Variants in RBL1 observed in about 807,000 individuals in gnomAD.
RBL1 encodes the protein RB transcriptional corepressor like 1.
A neutral mutation model predicts 123.0 loss-of-function variants in RBL1; 82 were observed. The observed-to-expected ratio is 0.67, with a 90% CI of 0.56 to 0.80. The LOEUF is 0.80. Ranked by LOEUF, RBL1 falls within the 30% of genes least tolerant of loss-of-function variation. RBL1 has a pLI of 0.00. For synonymous variants in RBL1, 405 were observed against 441.3 expected (o/e 0.92, Z 1.03); for missense variants, 1,171 against 1,299.6 (o/e 0.90, Z 1.52).
chr20:37,069,957 G>A (rs1217191787), intron 2 of RBL1, among the ~76,000 whole-genome samples: 2 of 152,194 alleles, frequency 1.3e-5, no homozygotes, highest in Admixed American at 1.3e-4. Flanking sequence ...CCACCACCCC[G>A]TCTGGGAGGT....
At chr20:37,068,646 A>G (rs2065223439) in intron 2 of RBL1, among the ~76,000 whole-genome samples, 1 of 152,116 alleles carries the variant, frequency 6.6e-6, no homozygotes, top group Non-Finnish European at 1.5e-5. Flanking sequence ...GAGCGAGAGC[A>G]CCTATCTACT....
chr20:37,067,820 T>C (rs1029282542), intron 3 of RBL1, among the ~76,000 whole-genome samples, 166 bp downstream of exon 3: 2 of 145,504 alleles, frequency 1.4e-5, no homozygotes, highest in African/African-American at 5.0e-5. Flanking sequence ...TAAGTAAAAG[T>C]ATTATCCTGA....
intron 21 of RBL1, among the ~76,000 whole-genome samples, chr20:37,000,249 C>T (rs1279627806): frequency 1.9e-3 from 278 of 146,206 alleles, no homozygotes; most frequent in Non-Finnish European, 2.8e-3. Context: ...GGAGCCCCTC[C>T]GCCCGGCAGC....
chr20:37,021,453 T>C, intron 17 of RBL1, among the ~76,000 whole-genome samples: 1 of 151,980 alleles, frequency 6.6e-6, no homozygotes, highest in East Asian at 1.9e-4. Context: ...TAATTCTTTT[T>C]TTTTTTTTTG....
intron 1 of RBL1, 116 bp from the exon 2 acceptor site, chr20:37,089,238 G>T: frequency 9.8e-7 from 1 of 1,020,942 alleles, no homozygotes. Flanking sequence ...TAGATAAAGG[G>T]CCAGAGAAGT....
chr20:37,003,158 C>T (rs1395796232), intron 21 of RBL1, among the ~76,000 whole-genome samples: 2 of 152,174 alleles, frequency 1.3e-5, no homozygotes, highest in Non-Finnish European at 2.9e-5. Flanking sequence ...CAATTTCTTC[C>T]AGTTTATACT....
At chr20:37,072,515 CTG>C (rs949432824) in intron 2 of RBL1, among the ~76,000 whole-genome samples, 3 of 152,108 alleles carry the variant, frequency 2.0e-5, no homozygotes, top group East Asian at 1.9e-4. Context: ...AAAAAAAAGA[CTG>C]TTTTTATTTT....
Position 37,068,040 on chromosome 20 carries a change from A to T in RBL1, c.437T>A (p.Ile146Lys). 1 of 1,613,788 alleles carries T rather than the reference A, an allele frequency of 6.2e-7. No individual in the cohort carries two copies. The highest frequency in any genetic ancestry group is 2.2e-5 in the East Asian group (1 of 44,840). Residue 146 changes from isoleucine to lysine, a missense_variant, in exon 3 of 22, where the codon ATA (isoleucine) becomes AAA (lysine). Physicochemically the swap from Ile to Lys is moderately radical, Grantham distance 102. Transcript: ENST00000373664. ...FKKYEPIFLDIFQNPYEEPPK... is the reference protein window; with the variant it reads ...FKKYEPIFLDKFQNPYEEPPK... ...TGGTTCTTCATATGGATTTTGAAAT[A>T]TATCTAAAAAAATTGGCTCATATTT...
At chr20:37,045,151 G>A (rs1217189385) in intron 12 of RBL1, among the ~76,000 whole-genome samples, 1 of 151,366 alleles carries the variant, frequency 6.6e-6, no homozygotes, top group Non-Finnish European at 1.5e-5. Flanking sequence ...CTGTCACCCA[G>A]GCTGGAGTGC....
intron 2 of RBL1, among the ~76,000 whole-genome samples, chr20:37,084,261 A>T (rs772622336): frequency 2.0e-5 from 3 of 152,128 alleles, no homozygotes; most frequent in Non-Finnish European, 4.4e-5. Context: ...ATTTATCAGA[A>T]ATATCATCTT....
At chr20:37,070,306 G>T (rs972359133) in intron 2 of RBL1, among the ~76,000 whole-genome samples, 3 of 151,940 alleles carry the variant, frequency 2.0e-5, no homozygotes, top group Non-Finnish European at 2.9e-5. Context: ...CTCCCTAATC[G>T]CAAGTTCCCA....
chr20:37,085,889 T>A (rs1039022880), intron 2 of RBL1, among the ~76,000 whole-genome samples: 1 of 152,024 alleles, frequency 6.6e-6, no homozygotes, highest in Non-Finnish European at 1.5e-5. Context: ...GACCTTGTGA[T>A]CCACCCGGCT....
chr20:37,064,598 C>T (rs1223679309), intron 7 of RBL1, among the ~76,000 whole-genome samples: 1 of 151,896 alleles, frequency 6.6e-6, no homozygotes, highest in Non-Finnish European at 1.5e-5. Flanking sequence ...AAAATAAATA[C>T]GTAAGTATCA....
chr20:37,021,529 C>G (rs1336734907), intron 17 of RBL1, among the ~76,000 whole-genome samples: 1 of 151,694 alleles, frequency 6.6e-6, no homozygotes, highest in African/African-American at 2.4e-5. Context: ...ACTGCAACCT[C>G]TGCCTCCCGG....
Position 37,055,616 on chromosome 20 carries a change from A to G in RBL1, c.1404T>C (p.Tyr468=). The G allele has an allele frequency of 6.2e-7, 1 of 1,613,768 alleles. No homozygotes were observed. Among genetic ancestry groups the G allele is most frequent in the Non-Finnish European group, 8.5e-7 (1 of 1,179,936 alleles). ...VNRLKLAEIL[Y]YKILETVMVQ... ...CCATTACAGTCTCTAGTATTTTATA[A>G]TACAAAATTTCTGCCAGCTTTAGTC... Residue 468 remains tyrosine, a synonymous_variant, in exon 11 of 22, where the codon TAT becomes TAC. Transcript: ENST00000373664.
intron 11 of RBL1, among the ~76,000 whole-genome samples, chr20:37,052,601 CT>C (rs1156448030): frequency 6.6e-6 from 1 of 152,206 alleles, no homozygotes; most frequent in Non-Finnish European, 1.5e-5. Flanking sequence ...CTGCCACCTC[CT>C]GGGTTCAAGC....
chr20:37,042,029 C>T (rs982082865), intron 13 of RBL1, among the ~76,000 whole-genome samples: 12 of 146,884 alleles, frequency 8.2e-5, no homozygotes, highest in Non-Finnish European at 8.9e-5. Context: ...GCCGAGATCA[C>T]GCCACCGCAC....
chr20:37,019,638 C>T (rs754803100), intron 18 of RBL1, among the ~76,000 whole-genome samples: 5 of 152,164 alleles, frequency 3.3e-5, no homozygotes, highest in Admixed American at 6.6e-5. Flanking sequence ...GATATAACTA[C>T]TAATACTGAG....
rs1413122253 is a variant in RBL1, at chr20:37,000,900, G to A, written c.3037-1971C>T. On this transcript the variant is annotated intron_variant, in intron 21 of 21. Transcript: ENST00000373664. ...CCGCCCCGTCCAGGAGGGAGGTGGG[G>A]GGGTCAGCCCCCCGCCCGGCCAGCC... 3.5e-5 allele frequency among the ~76,000 whole-genome samples: 5 copies of A among 143,696 alleles called. No individual in the cohort carries two copies. The East Asian group carries it at 8.8e-4, about 25-fold the overall frequency. 94.3% of individuals were successfully genotyped at this position (143,696 alleles called of 152,430 possible).
Sources: allele counts gnomAD v4.1 joint callset (sites outside exome capture counted in the v4.1 genomes callset), GRCh38; gene constraint gnomAD v4.1.1; transcripts MANE v1.5; gene names NCBI Gene and HGNC (gene_info 2026-07-23, HGNC 2026-07-21).